The following NRG1 variants were observed in gnomAD, a reference collection of about 807,000 sequenced individuals.
The protein encoded by NRG1 is neuregulin 1, also known as pro-neuregulin-1, membrane-bound isoform.
In NRG1, 18 loss-of-function variants were observed where a neutral mutation model predicts 63.8. The ratio of observed to expected loss-of-function variants is 0.28; its 90% CI spans 0.19 to 0.42. The LOEUF (loss-of-function observed/expected upper bound fraction) is 0.42. Ranked by LOEUF, NRG1 falls within the 10% of genes least tolerant of loss-of-function variation. The pLI is 1.00. For missense variants in NRG1, 762 were observed against 814.7 expected (o/e 0.94, Z 0.79); for synonymous variants, 302 against 301.3 (o/e 1.00, Z -0.02).
upstream of NRG1, among the ~76,000 whole-genome samples, chr8:32,543,657 A>G (rs1271583617): frequency 6.6e-6 from 1 of 152,170 alleles, no homozygotes; most frequent in Non-Finnish European, 1.5e-5. Flanking sequence ...GTAATGATAA[A>G]TAATAGTAAT....
chr8:31,680,839 C>T (rs1808263297), intron 1 of NRG1, among the ~76,000 whole-genome samples: 2 of 152,124 alleles, frequency 1.3e-5, no homozygotes, highest in Admixed American at 6.6e-5. Flanking sequence ...AATTCCTGCA[C>T]CTTTTTACTC....
intron 1 of NRG1, among the ~76,000 whole-genome samples, chr8:31,809,749 T>G (rs1355896013): frequency 6.7e-6 from 1 of 148,766 alleles, no homozygotes; most frequent in Non-Finnish European, 1.5e-5. Flanking sequence ...TTGTTTTTTT[T>G]TTTTTTTTTT....
intron 1 of NRG1, among the ~76,000 whole-genome samples, chr8:32,561,526 C>CT (rs35235317): frequency 0.2 from 30,237 of 151,982 alleles, 3,800 homozygotes; most frequent in Admixed American, 0.33. Context: ...CGCTCTTAAA[C>CT]TTTTTTTAGC....
chr8:32,187,823 C>T (rs1188111571), intron 1 of NRG1, among the ~76,000 whole-genome samples: 1 of 152,154 alleles, frequency 6.6e-6, no homozygotes, highest in Non-Finnish European at 1.5e-5. Context: ...GGCTTTTAGC[C>T]AGTTTTATTC....
intron 1 of NRG1, among the ~76,000 whole-genome samples, chr8:32,013,042 A>G (rs141244940): frequency 6.6e-6 from 1 of 152,140 alleles, no homozygotes; most frequent in Admixed American, 6.6e-5. Flanking sequence ...ATGGCTAGAC[A>G]GTAGGCATAA....
At chr8:31,943,773 G>A (rs1054108080) in intron 1 of NRG1, among the ~76,000 whole-genome samples, 1 of 152,094 alleles carries the variant, frequency 6.6e-6, no homozygotes. Flanking sequence ...AATGTAAGAA[G>A]AGGGAATGAA....
intron 1 of NRG1, among the ~76,000 whole-genome samples, chr8:31,829,070 C>G (rs533472792): frequency 3.9e-5 from 6 of 152,276 alleles, no homozygotes; most frequent in Admixed American, 2.0e-4. Flanking sequence ...TCCACGTAAA[C>G]CCTGCTTTTG....
intron 1 of NRG1, among the ~76,000 whole-genome samples, chr8:31,919,423 T>C (rs118106586): frequency 3.3e-5 from 5 of 151,942 alleles, no homozygotes; most frequent in African/African-American, 7.2e-5. Flanking sequence ...AATTTAGCAT[T>C]GAAATATTAA....
At chr8:32,765,142 C>G (rs1404145842) in exon 12 of NRG1, 3 of 152,062 alleles carry the variant, frequency 2.0e-5, no homozygotes, top group Non-Finnish European at 4.4e-5. Flanking sequence ...TTAGGGATAG[C>G]TTAGAAAATG....
chr8:31,717,412 TAAAA>T (rs34835652), intron 1 of NRG1, among the ~76,000 whole-genome samples: 17 of 126,306 alleles, frequency 1.3e-4, no homozygotes, highest in Non-Finnish European at 1.7e-4. Flanking sequence ...ATCTCGACAT[TAAAA>T]AAAAAAAAAA....
chr8:32,241,093 A>G (rs2129469664), intron 1 of NRG1, among the ~76,000 whole-genome samples: 1 of 152,228 alleles, frequency 6.6e-6, no homozygotes, highest in African/African-American at 2.4e-5. Context: ...GGCTTGTTTA[A>G]ACAAAAATTT....
In NRG1 at chr8:32,488,387, A is replaced by G. The variant is rs575326414; in HGVS notation, c.38-107441A>G. 4.5e-4 allele frequency among the ~76,000 whole-genome samples: 69 copies of G among 152,280 alleles called. 1 individual carries two copies. In the South Asian group the frequency reaches 0.013, roughly 30 times the overall value. Reference sequence around the variant, plus strand: ...ATCTTTCTCTTAGAATTGTGATGGTAACATATGAAATAAAATGTGGGAGCA... The same window carrying G: ...ATCTTTCTCTTAGAATTGTGATGGTGACATATGAAATAAAATGTGGGAGCA... On this transcript the variant is annotated intron_variant, in intron 1 of 10. Coordinates refer to the NRG1 transcript ENST00000519301.
chr8:31,940,892 T>C (rs568139110), intron 1 of NRG1, among the ~76,000 whole-genome samples: 49 of 152,008 alleles, frequency 3.2e-4, no homozygotes, highest in Admixed American at 5.9e-4. Flanking sequence ...ACCTGCAAGA[T>C]TGAAATGGTA....
At chr8:32,468,320 G>A (rs1823331660) in intron 1 of NRG1, among the ~76,000 whole-genome samples, 1 of 152,132 alleles carries the variant, frequency 6.6e-6, no homozygotes, top group Non-Finnish European at 1.5e-5. Flanking sequence ...GTTGACCGAA[G>A]TTAGTTCTTT....
Position 32,147,956 on chromosome 8 carries a change from G to T in NRG1, c.38-447872G>T, listed in dbSNP as rs191761189. 2.4e-4 allele frequency among the ~76,000 whole-genome samples: 37 copies of T among 152,194 alleles called. No homozygotes were observed. The South Asian group carries it at 2.5e-3, about 10-fold the overall frequency. On this transcript the variant is annotated intron_variant, in intron 1 of 10. Transcript: ENST00000519301. ...CCAAAAATAAAACTTATAAAATGGGGATGATAACTATTATTCTACCTTTCT... is the reference window on the plus strand; with the variant it reads ...CCAAAAATAAAACTTATAAAATGGGTATGATAACTATTATTCTACCTTTCT...
At chr8:32,501,945 A>T (rs1451861506) in intron 1 of NRG1, among the ~76,000 whole-genome samples, 1 of 152,218 alleles carries the variant, frequency 6.6e-6, no homozygotes, top group Non-Finnish European at 1.5e-5. Context: ...TAGGCAATAT[A>T]GTGAGACCCT....
intron 1 of NRG1, among the ~76,000 whole-genome samples, chr8:32,363,744 A>G (rs1402782503): frequency 1.3e-5 from 2 of 152,102 alleles, no homozygotes; most frequent in Non-Finnish European, 2.9e-5. Context: ...AAAACAACAA[A>G]TGGGCCCTTC....
At chr8:32,472,233 C>T (rs117366694) in intron 1 of NRG1, among the ~76,000 whole-genome samples, 1,793 of 152,274 alleles carry the variant, frequency 0.012, 28 homozygotes, top group Middle Eastern at 0.051. Context: ...TGCAGTGGCG[C>T]GATATCAACT....
chr8:32,370,777 G>C (rs1055951247), intron 1 of NRG1, among the ~76,000 whole-genome samples: 1 of 136,148 alleles, frequency 7.3e-6, no homozygotes, highest in Non-Finnish European at 1.5e-5. Flanking sequence ...AGAATTGCTT[G>C]AGACTGGGAA....
Sources: allele counts gnomAD v4.1 joint callset (sites outside exome capture counted in the v4.1 genomes callset), GRCh38; gene constraint gnomAD v4.1.1; transcripts MANE v1.5; gene names NCBI Gene and HGNC (gene_info 2026-07-23, HGNC 2026-07-21).